PRH1: variants seen among roughly 807,000 people sequenced by gnomAD.
PRH1 encodes the protein salivary acidic proline-rich phosphoprotein 1/2.
A neutral mutation model predicts 7.9 loss-of-function variants in PRH1; 7 were observed. The observed-to-expected ratio is 0.89, with a 90% CI of 0.50 to 1.67. PRH1 has a LOEUF of 1.67. PRH1 is among the 40% of genes most tolerant of loss of function. The pLI, the probability that PRH1 is intolerant of heterozygous loss-of-function variation, is 0.00. For synonymous variants in PRH1, 45 were observed against 80.8 expected (o/e 0.56, Z 2.38); for missense variants, 109 against 223.6 (o/e 0.49, Z 3.27).
intron 1 of PRH1, among the ~76,000 whole-genome samples, chr12:11,106,437 A>C (rs1019566282): frequency 3.3e-5 from 5 of 152,150 alleles, no homozygotes; most frequent in Admixed American, 3.3e-4. Flanking sequence ...TTTCAAACTT[A>C]TCTCTCATGC....
At chr12:11,141,011 G>A (rs1174367818) in intron 1 of PRH1, among the ~76,000 whole-genome samples, 1 of 142,720 alleles carries the variant, frequency 7.0e-6, no homozygotes, top group South Asian at 2.1e-4. Flanking sequence ...AGTAATACTT[G>A]TATAACTTAT....
chr12:11,011,000 A>T (rs1334761448), intron 1 of PRH1, among the ~76,000 whole-genome samples: 11 of 152,044 alleles, frequency 7.2e-5, no homozygotes, highest in Non-Finnish European at 2.9e-5. Flanking sequence ...AATTATGATT[A>T]GTTTGTAGCA....
At chr12:11,017,854 G>A (rs1188122491) in intron 1 of PRH1, among the ~76,000 whole-genome samples, 5 of 150,934 alleles carry the variant, frequency 3.3e-5, no homozygotes, top group South Asian at 2.1e-4. Flanking sequence ...AGAGAAGCAC[G>A]GCGTTTATTG....
At chr12:11,022,801 C>G (rs1400850438) in intron 1 of PRH1, among the ~76,000 whole-genome samples, 1 of 151,892 alleles carries the variant, frequency 6.6e-6, no homozygotes, top group Non-Finnish European at 1.5e-5. Context: ...CTCAAATTCA[C>G]TCCTCTTCAT....
chr12:10,997,805 T>C (rs780278431), intron 1 of PRH1: 36 of 1,613,102 alleles, frequency 2.2e-5, no homozygotes, highest in Admixed American at 3.3e-5. Context: ...TATAAAGCCA[T>C]TGGCAAAATT....
chr12:10,943,144 G>C (rs1411798930), intron 2 of PRH1, among the ~76,000 whole-genome samples: 1 of 152,082 alleles, frequency 6.6e-6, no homozygotes, highest in African/African-American at 2.4e-5. Context: ...AGTCTTTCTG[G>C]AGCTAAAATT....
upstream of PRH1, among the ~76,000 whole-genome samples, chr12:11,050,275 A>G (rs1943091332): frequency 6.6e-6 from 1 of 152,222 alleles, no homozygotes; most frequent in South Asian, 2.1e-4. Context: ...ATTATAGATT[A>G]ACTGAAAGTA....
intron 1 of PRH1, chr12:11,092,261 G>T: frequency 8.2e-7 from 1 of 1,223,820 alleles, no homozygotes; most frequent in Non-Finnish European, 1.2e-6. Flanking sequence ...TTTTTTAAAT[G>T]CTGGTGTTGT....
At position 10,884,175 on chromosome 12, in the gene PRH1, A is replaced by C; in HGVS notation, c.43T>G (p.Ser15Ala). Residue 15 changes from serine (S) to alanine (A), a missense_variant, in exon 1 of 4, where the codon TCA (serine) becomes GCA (alanine). Ser to Ala is a moderately conservative substitution (Grantham distance 99, BLOSUM62 1). Coordinates refer to ENST00000543626, the MANE Select transcript of PRH1 (RefSeq NM_001393989.1). ...LLSVALLAFS[S>A]AQDLNEDVSQ... is the part of the protein sequence containing the mutation. ...TTACCTTCATTTAAATCCTGAGCTG[A>C]GCTGAAGGCCAGCAGGGCCACTGAC... The C allele has an allele frequency of 6.2e-7, 1 of 1,614,138 alleles. No homozygotes were observed. The highest frequency in any genetic ancestry group is 8.5e-7 in the Non-Finnish European group (1 of 1,180,018).
intron 1 of PRH1, among the ~76,000 whole-genome samples, chr12:11,168,295 AGAAAGAAGGAAGGAAGGAAGGAAGGAAG>A (rs1947678360): frequency 4.4e-5 from 1 of 22,646 alleles, no homozygotes; most frequent in Admixed American, 5.0e-4. Flanking sequence ...AAAGAAAGAA[AGAAAGAAGGAAGGAAGGAAGGAAGGAAG>A]GAAGGAAGGA....
chr12:10,996,927 C>T, intron 1 of PRH1: 2 of 1,566,344 alleles, frequency 1.3e-6, no homozygotes, highest in Non-Finnish European at 1.7e-6. Flanking sequence ...AGAAAACACA[C>T]AATGCACCTC....
At chr12:11,161,615 G>A (rs1388667016) in intron 1 of PRH1, among the ~76,000 whole-genome samples, 1 of 152,112 alleles carries the variant, frequency 6.6e-6, no homozygotes, top group Non-Finnish European at 1.5e-5. Context: ...GAATTGACTG[G>A]TTTGCAAATA....
intron 1 of PRH1, chr12:10,986,212 G>C (rs191143969): frequency 1.2e-6 from 2 of 1,614,094 alleles, no homozygotes; most frequent in Admixed American, 3.3e-5. Context: ...CTGAGATCTT[G>C]CGATCCTTCT....
At chr12:11,098,929 C>A (rs577517280) in intron 1 of PRH1, among the ~76,000 whole-genome samples, 47 of 152,184 alleles carry the variant, frequency 3.1e-4, no homozygotes, top group African/African-American at 1.1e-3. Context: ...ATGAAATTAG[C>A]CCTATTTTCC....
intron 1 of PRH1, among the ~76,000 whole-genome samples, chr12:11,072,777 T>C (rs1944131638): frequency 7.7e-6 from 1 of 129,436 alleles, no homozygotes; most frequent in Admixed American, 7.7e-5. Context: ...CTCGATTAAG[T>C]GAATATTTCT....
chr12:11,107,327 C>T (rs952291345), intron 1 of PRH1, among the ~76,000 whole-genome samples: 3 of 152,256 alleles, frequency 2.0e-5, no homozygotes, highest in Middle Eastern at 6.8e-3. Context: ...GGGCAGAATG[C>T]ACAAGGTTCA....
chr12:11,001,178 G>C (rs1429566845), intron 1 of PRH1, among the ~76,000 whole-genome samples: 1 of 151,926 alleles, frequency 6.6e-6, no homozygotes, highest in African/African-American at 2.4e-5. Context: ...GGGGATAGCA[G>C]CTTGTCTGTT....
At chr12:10,930,052 G>T (rs552093918) in intron 2 of PRH1, among the ~76,000 whole-genome samples, 20 of 152,208 alleles carry the variant, frequency 1.3e-4, no homozygotes, top group African/African-American at 4.6e-4. Flanking sequence ...ACAAACAGGG[G>T]CCCTTCTATG....
At chr12:11,140,021 A>G (rs537796630) in intron 1 of PRH1, among the ~76,000 whole-genome samples, 1 of 152,078 alleles carries the variant, frequency 6.6e-6, no homozygotes, top group East Asian at 1.9e-4. Context: ...AATAAATTTC[A>G]TTCTATGATA....
Sources: gnomAD v4.1 joint callset for allele counts (sites outside exome capture counted in the v4.1 genomes callset) on GRCh38, gnomAD v4.1.1 for gene constraint, MANE v1.5 for transcripts, NCBI Gene and HGNC (gene_info 2026-07-23, HGNC 2026-07-21) for gene names.